The following CCDC3 variants were observed in gnomAD, a reference collection of about 807,000 sequenced individuals.
CCDC3 encodes the protein coiled-coil domain containing 3.
CCDC3 carries 24 observed loss-of-function variants against 21.4 expected under a neutral mutation model. That is an observed-to-expected ratio of 1.12 (90% confidence interval 0.81 to 1.58). The LOEUF (loss-of-function observed/expected upper bound fraction) is 1.58, where lower values mean the gene tolerates loss of function less well. CCDC3 is among the 40% of genes most tolerant of loss of function. The pLI, the probability that CCDC3 is intolerant of heterozygous loss-of-function variation, is 0.00. For missense variants in CCDC3, 425 were observed against 360.9 expected, an observed-to-expected ratio of 1.18 and a Z score of -1.44; for synonymous variants, 186 against 166.0, an observed-to-expected ratio of 1.12 and a Z score of -0.93.
intron 2 of CCDC3, among the ~76,000 whole-genome samples, chr10:12,985,962 G>A (rs1835583428): frequency 6.6e-6 from 1 of 152,104 alleles, no homozygotes; most frequent in Non-Finnish European, 1.5e-5. Context: ...TGCAAGCTCC[G>A]CCTCCCGGGT....
chr10:12,949,730 A>C (rs906825785), intron 2 of CCDC3, among the ~76,000 whole-genome samples: 21 of 152,232 alleles, frequency 1.4e-4, no homozygotes, highest in Admixed American at 2.6e-4. Flanking sequence ...AGATCCTATC[A>C]GATCCTGAAG....
chr10:12,985,563 G>A (rs751637321), intron 2 of CCDC3, among the ~76,000 whole-genome samples: 16 of 151,622 alleles, frequency 1.1e-4, no homozygotes, highest in Non-Finnish European at 1.3e-4. Flanking sequence ...AGCAATCAGC[G>A]GTGCATCTAC....
intron 3 of CCDC3, among the ~76,000 whole-genome samples, chr10:13,083,650 A>T (rs575425076): frequency 1.3e-5 from 2 of 152,298 alleles, no homozygotes; most frequent in South Asian, 4.1e-4. Context: ...CCCCTTCCTT[A>T]TTTGGGAATG....
intron 4 of CCDC3, among the ~76,000 whole-genome samples, chr10:13,067,687 T>G (rs1247268309): frequency 2.0e-5 from 3 of 152,134 alleles, no homozygotes; most frequent in Non-Finnish European, 2.9e-5. Context: ...CTTTCTGGTT[T>G]GATATCTGCA....
At chr10:12,920,502 G>C (rs1041616622) in intron 2 of CCDC3, among the ~76,000 whole-genome samples, 13 of 152,162 alleles carry the variant, frequency 8.5e-5, no homozygotes, top group Non-Finnish European at 2.9e-5. Context: ...AAGTTTCCTC[G>C]ACTGAGGACT....
chr10:12,937,879 G>A (rs933829874), intron 2 of CCDC3, among the ~76,000 whole-genome samples: 7 of 152,108 alleles, frequency 4.6e-5, no homozygotes, highest in Admixed American at 3.9e-4. Context: ...ATGGAAACTC[G>A]GAGGCAGTCT....
intron 2 of CCDC3, among the ~76,000 whole-genome samples, chr10:12,964,163 G>A (rs904754265): frequency 2.6e-5 from 4 of 151,956 alleles, no homozygotes; most frequent in East Asian, 1.9e-4. Flanking sequence ...ACTTGAGGTC[G>A]GGAGTTCGAG....
intron 5 of CCDC3, among the ~76,000 whole-genome samples, chr10:13,046,068 G>C (rs766704987): frequency 3.9e-5 from 6 of 151,990 alleles, no homozygotes; most frequent in Non-Finnish European, 7.4e-5. Flanking sequence ...TCCAGCCTGG[G>C]TGACAGAGTG....
intron 5 of CCDC3, among the ~76,000 whole-genome samples, chr10:13,020,023 A>G (rs1037414330): frequency 4.6e-5 from 7 of 152,314 alleles, no homozygotes; most frequent in African/African-American, 1.4e-4. Flanking sequence ...ATAAATACAT[A>G]AATATGAACA....
intron 5 of CCDC3, among the ~76,000 whole-genome samples, chr10:13,040,995 C>T (rs1836447196): frequency 6.6e-6 from 1 of 152,132 alleles, no homozygotes; most frequent in African/African-American, 2.4e-5. Flanking sequence ...TTAATGTTCT[C>T]AAGGGCTCAG....
intron 2 of CCDC3, among the ~76,000 whole-genome samples, chr10:12,914,578 G>T (rs1339540610): frequency 2.0e-5 from 3 of 152,000 alleles, no homozygotes; most frequent in Non-Finnish European, 4.4e-5. Context: ...CCAAGCAGCT[G>T]GGACTACAGG....
chr10:13,032,003 C>T (rs1369513270), intron 5 of CCDC3, among the ~76,000 whole-genome samples: 1 of 152,178 alleles, frequency 6.6e-6, no homozygotes, highest in Non-Finnish European at 1.5e-5. Flanking sequence ...AGGCCAGCAT[C>T]ATCCTGATAC....
rs1564313193 is a variant in CCDC3 at position 12,994,421 on chromosome 10, A to AAAAAAAC, written c.549+3916_549+3917insGTTTTTT. Among the ~76,000 whole-genome samples the AAAAAAAC allele has an allele frequency of 1.4e-4, 21 of 148,346 alleles. 1 individual carries two copies. The highest frequency in any genetic ancestry group is 5.0e-4 in the African/African-American group (19 of 37,984). On this transcript the variant is annotated intron_variant, in intron 2 of 2. Transcript: ENST00000378825. ...TCAAAAACAAAACAAAACAAAAAAA[A>AAAAAAAC]AAAACACCCAGCACCCAGCACCCAG...
intron 2 of CCDC3, among the ~76,000 whole-genome samples, chr10:12,995,294 T>A (rs932369605): frequency 4.6e-5 from 7 of 152,150 alleles, no homozygotes; most frequent in African/African-American, 1.4e-4. Flanking sequence ...CAGACTGGAG[T>A]GCAGTGGCAC....
chr10:12,957,565 T>C (rs1835109700), intron 2 of CCDC3, among the ~76,000 whole-genome samples: 1 of 152,170 alleles, frequency 6.6e-6, no homozygotes, highest in East Asian at 1.9e-4. Context: ...GGGAGGTGAA[T>C]GGATCAGGGG....
chr10:13,090,107 T>G (rs1373945585), intron 3 of CCDC3, among the ~76,000 whole-genome samples: 5 of 141,830 alleles, frequency 3.5e-5, no homozygotes, highest in African/African-American at 1.4e-4. Flanking sequence ...TTTTTTTTTT[T>G]GTGTCAGAGT....
intron 2 of CCDC3, among the ~76,000 whole-genome samples, chr10:12,907,634 A>C (rs750364582): frequency 6.6e-6 from 1 of 151,380 alleles, no homozygotes; most frequent in Non-Finnish European, 1.5e-5. Context: ...ACAGAGCAAG[A>C]CTCTGTCTCA....
chr10:12,935,793 G>T (rs770746686), intron 2 of CCDC3, among the ~76,000 whole-genome samples: 3 of 151,986 alleles, frequency 2.0e-5, no homozygotes, highest in Non-Finnish European at 2.9e-5. Flanking sequence ...AACCTCTAGA[G>T]TATCTGGGAC....
At chr10:12,978,876 T>C (rs539229691) in intron 2 of CCDC3, among the ~76,000 whole-genome samples, 12 of 152,250 alleles carry the variant, frequency 7.9e-5, no homozygotes, top group African/African-American at 2.9e-4. Flanking sequence ...TGCTGTTTTG[T>C]GAAAGTAAAT....
Sources: allele counts gnomAD v4.1 joint callset (sites outside exome capture counted in the v4.1 genomes callset), GRCh38; gene constraint gnomAD v4.1.1; transcripts MANE v1.5; gene names NCBI Gene and HGNC (gene_info 2026-07-23, HGNC 2026-07-21).